CHEK1: variants seen among roughly 807,000 people sequenced by gnomAD.
The protein encoded by CHEK1 is checkpoint kinase 1.
Under a neutral mutation model 60.2 loss-of-function variants are expected in CHEK1, and 32 were observed. That is an observed-to-expected ratio of 0.53 (90% CI 0.40 to 0.71). The LOEUF (loss-of-function observed/expected upper bound fraction) is 0.71. Among genes scored for constraint, CHEK1 ranks in the 30% least tolerant of loss-of-function variants. CHEK1 has a pLI of 0.00. For missense variants in CHEK1, 399 were observed against 564.6 expected (o/e 0.71, Z 2.97); for synonymous variants, 179 against 187.2 (o/e 0.96, Z 0.36).
chr11:125,655,820 T>C lies in CHEK1; in HGVS notation c.*500T>C. 4.7e-6 allele frequency: 1 copy of C among 214,090 alleles called. No homozygotes were observed. Among genetic ancestry groups the C allele is most frequent in the Non-Finnish European group, 9.4e-6 (1 of 105,946 alleles). The allele number at this position is 214,090 out of a possible 1,614,324, so 13.3% of individuals were successfully genotyped here. A position where few individuals can be genotyped will look rare whatever the true frequency, so the allele number is the denominator to read the frequency against. ...CATATCCCCAAGATTTGTACTTATA[T>C]TTTCAAAAGGGCCTGGCCAGTTATA... is the stretch of plus-strand genomic sequence containing the variant. On this transcript the variant is annotated 3_prime_UTR_variant, in exon 13 of 13. Coordinates refer to ENST00000438015, the MANE Select transcript of CHEK1 (RefSeq NM_001114122.3).
At chr11:125,673,759 CCT>C (rs1942333188) in intron 13 of CHEK1, among the ~76,000 whole-genome samples, 1 of 152,214 alleles carries the variant, frequency 6.6e-6, no homozygotes, top group Non-Finnish European at 1.5e-5. Flanking sequence ...ACCTTCAAAA[CCT>C]CTGTCATCTC....
chr11:125,625,806 G>A lies in CHEK1; in HGVS notation c.-227G>A, dbSNP rs913336685. 2 of 701,930 alleles carry A rather than the reference G, an allele frequency of 2.8e-6. No homozygotes were observed. The highest frequency in any genetic ancestry group is 1.5e-5 in the South Asian group (1 of 67,580). The allele number at this position is 701,930 out of a possible 1,614,324, so 43.5% of individuals were successfully genotyped here. On this transcript the variant is annotated 5_prime_UTR_variant, in exon 1 of 13. Coordinates refer to ENST00000438015, the MANE Select transcript of CHEK1 (RefSeq NM_001114122.3). ...ATCTCTTCAGCCAGGATCTCTCCCC[G>A]ACTGCAAAGCAGCCCTGGGCGGGAG...
intron 13 of CHEK1, chr11:125,672,461 A>C (rs753411695): frequency 2.9e-6 from 3 of 1,019,140 alleles, no homozygotes; most frequent in Non-Finnish European, 4.3e-6. Flanking sequence ...AGGATGTTTG[A>C]GCATCCTAAT....
chr11:125,627,352 T>C (rs3731399), intron 2 of CHEK1, among the ~76,000 whole-genome samples: 16,448 of 152,274 alleles, frequency 0.11, 1,179 homozygotes, highest in Admixed American at 0.23. Context: ...CTTAGAATTA[T>C]CTCAATCTAT....
chr11:125,656,610 G>A lies in CHEK1; in HGVS notation c.*1290G>A, dbSNP rs1941908851. 1 of 213,444 alleles carries A rather than the reference G, an allele frequency of 4.7e-6. No homozygotes were observed. The highest frequency in any genetic ancestry group is 9.5e-6 in the Non-Finnish European group (1 of 105,702). 13.2% of individuals were successfully genotyped at this position (213,444 alleles called of 1,614,324 possible). On this transcript the variant is annotated 3_prime_UTR_variant, in exon 13 of 13. Coordinates refer to ENST00000438015, the MANE Select transcript of CHEK1 (RefSeq NM_001114122.3). ...AATTTTGTTCTTGAGAATTATCTGA[G>A]TCATTAATATTTTTCAAAAACAGCT...
At chr11:125,630,369 G>A (rs1411590207) in intron 5 of CHEK1, among the ~76,000 whole-genome samples, 2 of 151,170 alleles carry the variant, frequency 1.3e-5, no homozygotes, top group Non-Finnish European at 2.9e-5. Flanking sequence ...GGAGTGTAGT[G>A]ACATGATCTC....
chr11:125,644,340 G>A (rs868149610), intron 10 of CHEK1, 72 bp downstream of exon 10: 6 of 1,495,588 alleles, frequency 4.0e-6, no homozygotes, highest in Middle Eastern at 1.8e-4. Flanking sequence ...CTTTTTTAAT[G>A]TGTAAATCTT....
chr11:125,632,074 ATTGCG>A (rs1940887608), intron 5 of CHEK1, among the ~76,000 whole-genome samples: 1 of 152,098 alleles, frequency 6.6e-6, no homozygotes, highest in Non-Finnish European at 1.5e-5. Flanking sequence ...CAATATAAAA[ATTGCG>A]TCATGCTATA....
intron 11 of CHEK1, among the ~76,000 whole-genome samples, chr11:125,652,604 C>T (rs1054974092): frequency 6.6e-6 from 1 of 152,112 alleles, no homozygotes; most frequent in Non-Finnish European, 1.5e-5. Flanking sequence ...TGGGGACACA[C>T]ATACCCACTG....
At chr11:125,641,416 C>T (rs1451843955) in intron 8 of CHEK1, among the ~76,000 whole-genome samples, 1 of 152,162 alleles carries the variant, frequency 6.6e-6, no homozygotes, top group Non-Finnish European at 1.5e-5. Flanking sequence ...TCCACACTCA[C>T]TCCATTAGTG....
chr11:125,629,404 G>T lies in CHEK1; in HGVS notation c.368G>T (p.Gly123Val). 1 of 1,613,792 alleles carries T rather than the reference G, an allele frequency of 6.2e-7. No individual in the cohort carries two copies. The highest frequency in any genetic ancestry group is 1.1e-5 in the South Asian group (1 of 91,058). Residue 123 changes from glycine to valine, a missense_variant, in exon 5 of 13, where the codon GGT (glycine) becomes GTT (valine). Gly to Val is a moderately radical substitution (Grantham distance 109). Transcript: ENST00000438015. ...CATCCCTCTTAGGTTTATCTGCATG[G>T]TATTGGAATAACTCACAGGGATATT... Reference protein sequence around the residue: ...QLMAGVVYLHGIGITHRDIKP... With the variant: ...QLMAGVVYLHVIGITHRDIKP...
intron 13 of CHEK1, among the ~76,000 whole-genome samples, chr11:125,664,314 A>G (rs1942062640): frequency 7.1e-6 from 1 of 140,546 alleles, no homozygotes; most frequent in African/African-American, 2.7e-5. Flanking sequence ...GCTCACTGCA[A>G]CCTCCACCTC....
chr11:125,637,563 A>C lies in CHEK1; in HGVS notation c.814+19A>C. 1.3e-6 allele frequency: 2 copies of C among 1,552,444 alleles called. No individual in the cohort carries two copies. The highest frequency in any genetic ancestry group is 1.8e-5 in the Admixed American group (1 of 54,612). On this transcript the variant is annotated intron_variant, in intron 8 of 12. Coordinates refer to ENST00000438015, the MANE Select transcript of CHEK1 (RefSeq NM_001114122.3). ...AAGAAAGGTAATATCCTTAAACTAC[A>C]AGTTTGTTTGTTTTTCTGTGGAAGA...
At chr11:125,661,807 A>G (rs1048897709), downstream of CHEK1, among the ~76,000 whole-genome samples, 2 of 152,086 alleles carry the variant, frequency 1.3e-5, no homozygotes, top group African/African-American at 4.8e-5. Context: ...GTCTATTTTG[A>G]TAATATATAT....
chr11:125,662,667 A>C (rs1035619211), intron 13 of CHEK1, among the ~76,000 whole-genome samples: 3 of 152,150 alleles, frequency 2.0e-5, no homozygotes, highest in Non-Finnish European at 4.4e-5. Context: ...CTCTTTTGCT[A>C]TTGTGACTAA....
chr11:125,647,724 G>A (rs924568466), intron 11 of CHEK1, among the ~76,000 whole-genome samples: 2 of 152,126 alleles, frequency 1.3e-5, no homozygotes, highest in Admixed American at 6.5e-5. Context: ...TTACAGATGG[G>A]ACTCAAGTTG....
intron 13 of CHEK1, among the ~76,000 whole-genome samples, chr11:125,669,803 C>T (rs1942167952): frequency 6.6e-6 from 1 of 152,126 alleles, no homozygotes; most frequent in Non-Finnish European, 1.5e-5. Flanking sequence ...GGATTACAGG[C>T]ATGAGCCACT....
chr11:125,674,643 C>T (rs1942395762), intron 13 of CHEK1, among the ~76,000 whole-genome samples: 1 of 152,174 alleles, frequency 6.6e-6, no homozygotes. Context: ...CTGTAACTTG[C>T]TTCTAAGGTA....
At chr11:125,626,661 C>T in intron 1 of CHEK1, 88 bp from the exon 2 acceptor site, 2 of 1,146,030 alleles carry the variant, frequency 1.7e-6, no homozygotes, top group Non-Finnish European at 2.6e-6. Context: ...TGTTAATTTT[C>T]GTGGGCAATC....
Sources: allele counts gnomAD v4.1 joint callset (sites outside exome capture counted in the v4.1 genomes callset), GRCh38; gene constraint gnomAD v4.1.1; transcripts MANE v1.5; gene names NCBI Gene and HGNC (gene_info 2026-07-23, HGNC 2026-07-21).